GNB1: variants seen among roughly 807,000 people sequenced by gnomAD.
The protein encoded by GNB1 is guanine nucleotide-binding protein G(I)/G(S)/G(T) subunit beta-1.
GNB1 carries 2 observed loss-of-function variants against 42.9 expected under a neutral mutation model. That is an observed-to-expected ratio of 0.05 (90% CI 0.02 to 0.15). GNB1 has a LOEUF of 0.15. Among genes scored for constraint, GNB1 ranks in the 10% least tolerant of loss-of-function variants. The pLI, the probability that GNB1 is intolerant of heterozygous loss-of-function variation, is 1.00. For synonymous variants in GNB1, 183 were observed against 174.7 expected, an observed-to-expected ratio of 1.05 and a Z score of -0.38; for missense variants, 193 against 462.2, an observed-to-expected ratio of 0.42 and a Z score of 5.34.
chr1:1,823,852 A>G (rs1025830268), intron 3 of GNB1, among the ~76,000 whole-genome samples: 1 of 152,120 alleles, frequency 6.6e-6, no homozygotes, highest in Non-Finnish European at 1.5e-5. Context: ...AGAAAAATAA[A>G]CTGTTGTTTT....
chr1:1,876,947 T>G (rs531569694), intron 1 of GNB1, among the ~76,000 whole-genome samples: 10 of 152,290 alleles, frequency 6.6e-5, no homozygotes, highest in African/African-American at 2.2e-4. Flanking sequence ...CTACTCATGT[T>G]TTCCAAGATG....
chr1:1,858,685 T>C (rs1200025146), intron 1 of GNB1, among the ~76,000 whole-genome samples: 3 of 152,080 alleles, frequency 2.0e-5, no homozygotes, highest in Non-Finnish European at 2.9e-5. Context: ...ACTGCAGCCA[T>C]CTCAGAGGAC....
intron 1 of GNB1, among the ~76,000 whole-genome samples, chr1:1,851,889 C>A (rs1177983617): frequency 1.3e-5 from 2 of 151,016 alleles, no homozygotes; most frequent in African/African-American, 4.9e-5. Flanking sequence ...ACTAAAAATA[C>A]GAAATCAGCC....
chr1:1,801,691 G>A (rs929532879), intron 7 of GNB1, among the ~76,000 whole-genome samples: 6 of 152,144 alleles, frequency 3.9e-5, no homozygotes, highest in African/African-American at 9.7e-5. Flanking sequence ...GCTCATGCCT[G>A]TAATCAAGTA....
At chr1:1,830,265 A>AT (rs746065828) in intron 2 of GNB1, among the ~76,000 whole-genome samples, 1,911 of 143,800 alleles carry the variant, frequency 0.013, 25 homozygotes, top group African/African-American at 0.03. Flanking sequence ...ATAATATTAC[A>AT]TTTTTTTTTT....
At chr1:1,870,976 C>T (rs1442805869) in intron 1 of GNB1, among the ~76,000 whole-genome samples, 2 of 152,042 alleles carry the variant, frequency 1.3e-5, no homozygotes, top group African/African-American at 4.8e-5. Context: ...CCACTGTTGC[C>T]CACATCACCC....
At chr1:1,798,472 C>G (rs1437209046) in intron 7 of GNB1, among the ~76,000 whole-genome samples, 1 of 152,222 alleles carries the variant, frequency 6.6e-6, no homozygotes, top group East Asian at 1.9e-4. Context: ...ACAGTGGGCT[C>G]TGTCACTGAC....
intron 1 of GNB1, among the ~76,000 whole-genome samples, chr1:1,879,163 C>T (rs1649704749): frequency 6.6e-6 from 1 of 152,214 alleles, no homozygotes; most frequent in African/African-American, 2.4e-5. Context: ...CTGTCTCCAG[C>T]TGAGAACTTC....
intron 5 of GNB1, 148 bp from the exon 6 acceptor site, chr1:1,806,686 A>G: frequency 1.9e-6 from 1 of 529,810 alleles, no homozygotes; most frequent in East Asian, 3.1e-5. Context: ...AAGAAAAAAA[A>G]TCTCTGGTCG....
rs927091826 is a variant in GNB1 at position 1,845,551 on chromosome 1, T to C, written c.-95-6313A>G. Among the ~76,000 whole-genome samples the C allele has an allele frequency of 6.6e-5, 10 of 151,962 alleles. No homozygotes were observed. The East Asian group carries it at 7.7e-4, about 12-fold the overall frequency. On this transcript the variant is annotated intron_variant, in intron 1 of 11. Coordinates refer to ENST00000378609, the MANE Select transcript of GNB1 (RefSeq NM_002074.5). The stretch of plus-strand genomic sequence containing the variant: ...TCGTGCCACTGCACTCCAGCCTGGG[T>C]GACAGTGCGAGACTCCGTCTCAAAA...
rs540778443 is a variant in GNB1, at chr1:1,853,499, T to A, written c.-95-14261A>T. The stretch of plus-strand genomic sequence containing the variant: ...AGAAATCCTAGAAACATGAACATAT[T>A]TTTGCCTCAAAGAATGAGAGCCAAT... On this transcript the variant is annotated intron_variant, in intron 1 of 11. Transcript: ENST00000378609. 9.9e-5 allele frequency among the ~76,000 whole-genome samples: 15 copies of A among 152,232 alleles called. 1 individual carries two copies. The highest frequency in any genetic ancestry group is 3.1e-4 in the African/African-American group (13 of 41,536).
At chr1:1,876,663 A>G (rs1315100671) in intron 1 of GNB1, among the ~76,000 whole-genome samples, 1 of 152,206 alleles carries the variant, frequency 6.6e-6, no homozygotes. Context: ...CACCACACCC[A>G]GTCAATGGAG....
intron 1 of GNB1, among the ~76,000 whole-genome samples, chr1:1,854,828 T>C (rs557485141): frequency 6.6e-6 from 1 of 151,150 alleles, no homozygotes; most frequent in South Asian, 2.1e-4. Flanking sequence ...AAGCCAGGAG[T>C]TCAAGATCAG....
intron 1 of GNB1, among the ~76,000 whole-genome samples, chr1:1,863,006 C>T (rs941150357): frequency 6.6e-5 from 10 of 152,194 alleles, no homozygotes; most frequent in African/African-American, 2.4e-4. Flanking sequence ...CATCCCTCTA[C>T]CTAAGAGCAC....
chr1:1,844,881 G>C (rs140690809), intron 1 of GNB1, among the ~76,000 whole-genome samples: 1 of 152,108 alleles, frequency 6.6e-6, no homozygotes, highest in Non-Finnish European at 1.5e-5. Flanking sequence ...TCTATATTCC[G>C]GAAAACATCC....
chr1:1,855,289 T>C (rs1570719950), intron 1 of GNB1, among the ~76,000 whole-genome samples: 3 of 135,560 alleles, frequency 2.2e-5, no homozygotes, highest in South Asian at 2.3e-4. Context: ...CCCACTGCAC[T>C]CCAGCCTGGG....
At chr1:1,878,002 C>G (rs998888229) in intron 1 of GNB1, among the ~76,000 whole-genome samples, 1 of 152,144 alleles carries the variant, frequency 6.6e-6, no homozygotes, top group Non-Finnish European at 1.5e-5. Context: ...AGAAAGAGCT[C>G]ACACCAGCAG....
chr1:1,850,262 C>G (rs1647909475), intron 1 of GNB1, among the ~76,000 whole-genome samples: 1 of 152,064 alleles, frequency 6.6e-6, no homozygotes, highest in African/African-American at 2.4e-5. Context: ...TCTCGAGTAG[C>G]TGGGATTCCA....
intron 8 of GNB1, among the ~76,000 whole-genome samples, chr1:1,792,696 C>CAAAA (rs374752641): frequency 9.7e-6 from 1 of 102,776 alleles, no homozygotes; most frequent in African/African-American, 3.6e-5. Flanking sequence ...GACTCTATCT[C>CAAAA]AAAAAAAAAA....
Sources: gnomAD v4.1 joint callset for allele counts (sites outside exome capture counted in the v4.1 genomes callset) on GRCh38, gnomAD v4.1.1 for gene constraint, MANE v1.5 for transcripts, NCBI Gene and HGNC (gene_info 2026-07-23, HGNC 2026-07-21) for gene names.